DPF3: variants seen among roughly 807,000 people sequenced by gnomAD.
DPF3 encodes the protein zinc finger protein DPF3.
Under a neutral mutation model 56.8 loss-of-function variants are expected in DPF3, and 18 were observed. The ratio of observed to expected loss-of-function variants is 0.32; its 90% CI spans 0.22 to 0.47. The LOEUF is 0.47. Among genes scored for constraint, DPF3 ranks in the 20% least tolerant of loss-of-function variants. DPF3 has a pLI of 1.00. For synonymous variants in DPF3, 188 were observed against 180.2 expected, an observed-to-expected ratio of 1.04 and a Z score of -0.35; for missense variants, 403 against 488.8, an observed-to-expected ratio of 0.82 and a Z score of 1.65.
intron 8 of DPF3, among the ~76,000 whole-genome samples, chr14:72,651,620 T>G (rs1197101441): frequency 6.6e-6 from 1 of 152,232 alleles, no homozygotes; most frequent in East Asian, 1.9e-4. Flanking sequence ...AATACCAGGT[T>G]GTATTCGTTA....
At chr14:72,690,607 A>C (rs985627173) in intron 7 of DPF3, among the ~76,000 whole-genome samples, 4 of 151,402 alleles carry the variant, frequency 2.6e-5, no homozygotes, top group African/African-American at 9.7e-5. Context: ...CGCACACACA[A>C]CATGCACGCA....
chr14:72,732,636 TATCAGGAGTTTG>T (rs1288887156), intron 3 of DPF3, among the ~76,000 whole-genome samples: 1 of 152,058 alleles, frequency 6.6e-6, no homozygotes, highest in African/African-American at 2.4e-5. Context: ...TTTCTGAAGG[TATCAGGAGTTTG>T]ATCAGCTACC....
At position 72,851,871 on chromosome 14, in the gene DPF3, C is replaced by T. The variant is rs376108037; in HGVS notation, c.32+42186G>A. On this transcript the variant is annotated intron_variant, in intron 1 of 10. Coordinates refer to ENST00000556509, the MANE Select transcript of DPF3 (RefSeq NM_001280542.3). The stretch of plus-strand genomic sequence containing the variant: ...ATGGGAGGACAGCTCGCCCAGCCTC[C>T]CGATTGGCCAGGCCCGCCACCAGCT... Among the ~76,000 whole-genome samples the T allele has an allele frequency of 2.4e-3, 370 of 152,362 alleles. 3 individuals are homozygous for T. Among genetic ancestry groups the T allele is most frequent in the South Asian group, 0.014 (66 of 4,830 alleles).
intron 1 of DPF3, among the ~76,000 whole-genome samples, chr14:72,781,979 CTG>C (rs2139965024): frequency 6.6e-6 from 1 of 152,292 alleles, no homozygotes; most frequent in South Asian, 2.1e-4. Context: ...GGTCCACAGA[CTG>C]AGTCCTTCCT....
chr14:72,671,147 C>T (rs1886655343), intron 8 of DPF3: 1 of 1,613,780 alleles, frequency 6.2e-7, no homozygotes, highest in South Asian at 1.1e-5. Context: ...TAGCAACTGC[C>T]CTTTTTATCT....
At chr14:72,793,508 T>C (rs1892520561) in intron 1 of DPF3, among the ~76,000 whole-genome samples, 1 of 152,214 alleles carries the variant, frequency 6.6e-6, no homozygotes, top group Non-Finnish European at 1.5e-5. Context: ...CAAGGCCATA[T>C]GGGCTCCCCC....
chr14:72,830,590 G>A (rs1884011214), intron 1 of DPF3, among the ~76,000 whole-genome samples: 1 of 152,164 alleles, frequency 6.6e-6, no homozygotes, highest in Non-Finnish European at 1.5e-5. Flanking sequence ...CCAGTTGTGG[G>A]GAGGATTCAA....
chr14:72,691,132 C>CG (rs888695154), intron 7 of DPF3, among the ~76,000 whole-genome samples: 9 of 152,176 alleles, frequency 5.9e-5, no homozygotes, highest in Admixed American at 5.9e-4. Context: ...GGGCAAGGCT[C>CG]GGGGGGCACC....
chr14:72,887,907 T>C (rs1477824209), intron 1 of DPF3, among the ~76,000 whole-genome samples: 3 of 152,172 alleles, frequency 2.0e-5, no homozygotes, highest in Admixed American at 6.5e-5. Flanking sequence ...TGGGAAAAAC[T>C]TTCTGGTGGA....
chr14:72,816,557 T>A (rs1228600997), intron 1 of DPF3, among the ~76,000 whole-genome samples: 1 of 151,728 alleles, frequency 6.6e-6, no homozygotes, highest in Non-Finnish European at 1.5e-5. Context: ...ACCCCCCACC[T>A]AGCTGAGCTT....
chr14:72,800,237 G>A (rs572419539), intron 1 of DPF3, among the ~76,000 whole-genome samples: 4 of 152,242 alleles, frequency 2.6e-5, no homozygotes, highest in African/African-American at 9.6e-5. Context: ...TTCTAGCCAG[G>A]GAATGCTACA....
At chr14:72,619,709 G>A (rs1884305368) in intron 10 of DPF3, among the ~76,000 whole-genome samples, 194 bp downstream of exon 10, 1 of 152,186 alleles carries the variant, frequency 6.6e-6, no homozygotes, top group East Asian at 1.9e-4. Context: ...TCAGCTGCTT[G>A]GACTGTGCCT....
intron 1 of DPF3, among the ~76,000 whole-genome samples, chr14:72,884,940 C>CTATATATATATATATATATATG (rs1555516729): frequency 6.8e-5 from 2 of 29,602 alleles, no homozygotes; most frequent in Admixed American, 4.9e-4. Flanking sequence ...ACTAAAAATA[C>CTATATATATATATATATATATG]TATATATATA....
intron 8 of DPF3, among the ~76,000 whole-genome samples, chr14:72,631,899 T>A (rs1885191680): frequency 2.0e-5 from 3 of 152,186 alleles, no homozygotes; most frequent in Admixed American, 2.0e-4. Flanking sequence ...CTGAGAAAGA[T>A]CTTTAAGCTG....
chr14:72,842,200 T>C (rs932617308), intron 1 of DPF3, among the ~76,000 whole-genome samples: 2 of 152,036 alleles, frequency 1.3e-5, no homozygotes. Flanking sequence ...CAGCCTCTAC[T>C]GAACATACGC....
In DPF3 at chr14:72,848,514, G is replaced by A. The variant is rs75605875; in HGVS notation, c.32+45543C>T. Reference sequence around the variant, plus strand: ...CCTCTTTGTTATAGCAGCTTAGCCTGTATGCTGGATTCAGCACCTGAAGTC... The same window carrying A: ...CCTCTTTGTTATAGCAGCTTAGCCTATATGCTGGATTCAGCACCTGAAGTC... On this transcript the variant is annotated intron_variant, in intron 1 of 10. Transcript: ENST00000556509. Among the ~76,000 whole-genome samples, 934 of 152,262 alleles carry A rather than the reference G, an allele frequency of 6.1e-3. 12 individuals are homozygous for A. Among genetic ancestry groups the A allele is most frequent in the African/African-American group, 0.021 (888 of 41,558 alleles).
chr14:72,654,022 C>T (rs1885994675), intron 8 of DPF3, among the ~76,000 whole-genome samples: 1 of 152,158 alleles, frequency 6.6e-6, no homozygotes, highest in Non-Finnish European at 1.5e-5. Flanking sequence ...GGTAGACAAA[C>T]CCAAACTCCT....
At chr14:72,719,461 C>A (rs186313173) in intron 5 of DPF3, among the ~76,000 whole-genome samples, 1 of 152,180 alleles carries the variant, frequency 6.6e-6, no homozygotes, top group Admixed American at 6.5e-5. Context: ...ACCCCATGGA[C>A]TTACTGCATC....
intron 8 of DPF3, among the ~76,000 whole-genome samples, chr14:72,640,757 G>A (rs1207296020): frequency 6.6e-5 from 10 of 152,204 alleles, no homozygotes; most frequent in Non-Finnish European, 7.3e-5. Context: ...CATTAATTGT[G>A]CAGATGAAGA....
Sources: gnomAD v4.1 joint callset for allele counts (sites outside exome capture counted in the v4.1 genomes callset) on GRCh38, gnomAD v4.1.1 for gene constraint, MANE v1.5 for transcripts, NCBI Gene and HGNC (gene_info 2026-07-23, HGNC 2026-07-21) for gene names.